Variants in CEP78 observed in about 807,000 individuals in gnomAD.
CEP78 encodes the protein centrosomal protein of 78 kDa.
A neutral mutation model predicts 81.2 loss-of-function variants in CEP78; 76 were observed. The ratio of observed to expected loss-of-function variants is 0.94; its 90% confidence interval spans 0.78 to 1.13. The LOEUF (loss-of-function observed/expected upper bound fraction) is 1.13, where lower values mean the gene tolerates loss of function less well. Among genes scored for constraint, CEP78 ranks in the 50% most tolerant of loss-of-function variants. The probability of loss-of-function intolerance (pLI) is 0.00; values close to 1 mark genes in which losing one functional copy is unlikely to be tolerated. For missense variants in CEP78, 918 were observed against 846.8 expected (o/e 1.08, Z -1.04); for synonymous variants, 293 against 301.4 (o/e 0.97, Z 0.29).
Position 78,248,808 on chromosome 9 carries a change from C to T in CEP78, c.1004C>T (p.Ala335Val). 6.3e-7 allele frequency: 1 copy of T among 1,598,982 alleles called. No homozygotes were observed. The highest frequency in any genetic ancestry group is 8.5e-7 in the Non-Finnish European group (1 of 1,173,342). ...SPSVKEPSKT[A>V]KQKRRTIILG... ...TCAGTGAAGGAACCATCCAAAACTG[C>T]TAAACAGAAAAGGAGAACTATAATT... The change falls in exon 8 of 17, where the codon GCT (alanine) becomes GTT (valine). Residue 335 changes from alanine to valine, a missense_variant. Transcript: ENST00000643273.
intron 5 of CEP78, among the ~76,000 whole-genome samples, 197 bp from the exon 6 acceptor site, chr9:78,246,472 C>A (rs186580797): frequency 6.6e-6 from 1 of 152,128 alleles, no homozygotes; most frequent in Non-Finnish European, 1.5e-5. Flanking sequence ...TGGTGGCGGG[C>A]GCCTGTAGTC....
chr9:78,263,002 T>TA lies in CEP78; in HGVS notation c.1458+19dup, dbSNP rs775329760. Reference sequence around the variant, plus strand: ...TCAGTGAGGTAAATAAAAGTTTTCTTACCTTTTGAGAGTTTTTTGTTTTGG... The same window carrying TA: ...TCAGTGAGGTAAATAAAAGTTTTCTTAACCTTTTGAGAGTTTTTTGTTTTGG... On this transcript the variant is annotated intron_variant, in intron 12 of 16. Coordinates refer to ENST00000643273, the MANE Select transcript of CEP78 (RefSeq NM_001330691.3). 8.0e-6 allele frequency: 12 copies of TA among 1,495,036 alleles called. No homozygotes were observed. Among genetic ancestry groups the TA allele is most frequent in the Middle Eastern group, 1.8e-4 (1 of 5,686 alleles). 92.6% of individuals were successfully genotyped at this position (1,495,036 alleles called of 1,614,324 possible). A position where few individuals can be genotyped will look rare whatever the true frequency, so the allele number is the denominator to read the frequency against.
chr9:78,237,463 A>G (rs921501597), intron 1 of CEP78, among the ~76,000 whole-genome samples: 3 of 152,204 alleles, frequency 2.0e-5, no homozygotes, highest in African/African-American at 7.2e-5. Flanking sequence ...CATTTTCTAC[A>G]TAATGGAGGC....
intron 3 of CEP78, 101 bp from the exon 4 acceptor site, chr9:78,241,595 A>G (rs1412216581): frequency 3.7e-6 from 2 of 536,756 alleles, no homozygotes; most frequent in Admixed American, 3.6e-5. Flanking sequence ...TAAGAATACA[A>G]CTATAAAATA....
In CEP78 at chr9:78,276,038, C is replaced by T. The variant is rs901469835; in HGVS notation, c.*5187C>T. The T allele has an allele frequency of 2.0e-5, 3 of 152,174 alleles. No homozygotes were observed. Among genetic ancestry groups the T allele is most frequent in the Non-Finnish European group, 4.4e-5 (3 of 68,038 alleles). The allele number at this position is 152,174 out of a possible 1,614,324, so 9.4% of individuals were successfully genotyped here. A position where few individuals can be genotyped will look rare whatever the true frequency, so the allele number is the denominator to read the frequency against. On this transcript the variant is annotated 3_prime_UTR_variant, in exon 17 of 17. Transcript: ENST00000643273. ...GAGATGTAAGGCTCCCTAATTCATTCCATACGGTTAGCGTAATCCTTATAG... is the reference window on the plus strand; with the variant it reads ...GAGATGTAAGGCTCCCTAATTCATTTCATACGGTTAGCGTAATCCTTATAG...
rs1166886558 is a variant in CEP78 at position 78,251,963 on chromosome 9, A to G, written c.1125A>G (p.Glu375=). The change falls in exon 9 of 17, where the codon GAA becomes GAG. Residue 375 remains glutamate (E), a synonymous_variant. Transcript: ENST00000643273. ...SSGRKHSLGK[E]YYAPAPLPPG... The stretch of plus-strand genomic sequence containing the variant: ...GCAGAAAACACTCCCTTGGTAAAGA[A>G]TATTATGCGCCCGCACCTCTTCCAC... 6.2e-7 allele frequency: 1 copy of G among 1,609,330 alleles called. No homozygotes were observed. Among genetic ancestry groups the G allele is most frequent in the Non-Finnish European group, 8.5e-7 (1 of 1,176,858 alleles).
rs1929402 is a variant in CEP78, at chr9:78,248,172, G to A, written c.893-119G>A. 0.78 allele frequency: 528,495 copies of A among 677,880 alleles called. 207,498 individuals carry two copies. The highest frequency in any genetic ancestry group is 0.86 in the Admixed American group (33,457 of 39,116). The allele number at this position is 677,880 out of a possible 1,614,324, so 42.0% of individuals were successfully genotyped here. A position where few individuals can be genotyped will look rare whatever the true frequency, so the allele number is the denominator to read the frequency against. ...GGGAAAAGGTATTTAATTACATTAT[G>A]TGGAATTCATATTCAATTTCATGGG... On this transcript the variant is annotated intron_variant, in intron 6 of 16. Coordinates refer to ENST00000643273, the MANE Select transcript of CEP78 (RefSeq NM_001330691.3).
At chr9:78,248,195 G>A in intron 6 of CEP78, 96 bp from the exon 7 acceptor site, 1 of 700,126 alleles carries the variant, frequency 1.4e-6, no homozygotes, top group South Asian at 1.6e-5. Context: ...TCAATTTCAT[G>A]GGAAAAAGCA....
At chr9:78,257,639 C>G (rs184753011) in intron 11 of CEP78, among the ~76,000 whole-genome samples, 4 of 151,998 alleles carry the variant, frequency 2.6e-5, no homozygotes, top group Admixed American at 6.6e-5. Context: ...AGGAGGGAAT[C>G]AAACTCCAGA....
rs533043620 is a variant in CEP78 at position 78,257,035 on chromosome 9, C to T, written c.1380+2071C>T. ...CAGAAATCATATGCTAGTGAGGTTG[C>T]ATCTAGGAGGTCTAACATGTTACTG... On this transcript the variant is annotated intron_variant, in intron 11 of 16. Coordinates refer to ENST00000643273, the MANE Select transcript of CEP78 (RefSeq NM_001330691.3). 2.0e-5 allele frequency among the ~76,000 whole-genome samples: 3 copies of T among 150,664 alleles called. No homozygotes were observed. The South Asian group carries it at 6.3e-4, about 32-fold the overall frequency.
Position 78,262,986 on chromosome 9 carries a change from TA to T in CEP78, c.1458+5del. On this transcript the variant is annotated splice_donor_region_variant and intron_variant, in intron 12 of 16. Transcript: ENST00000643273. ...AAGGTTGATAAACGAGTCAGTGAGG[TA>T]AATAAAAGTTTTCTTACCTTTTGAG... The T allele has an allele frequency of 6.5e-7, 1 of 1,530,852 alleles. No individual in the cohort carries two copies. The highest frequency in any genetic ancestry group is 8.8e-7 in the Non-Finnish European group (1 of 1,134,928). The allele number at this position is 1,530,852 out of a possible 1,614,324, so 94.8% of individuals were successfully genotyped here. A position where few individuals can be genotyped will look rare whatever the true frequency, so the allele number is the denominator to read the frequency against.
At position 78,236,329 on chromosome 9, in the gene CEP78, C is replaced by A. The variant is rs759316369; in HGVS notation, c.-22C>A. ...CGGGCGGCGTCTCCGCGGCGGGCAT[C>A]CCCCGAGGCCGCCCTCGGGCCATGA... is the stretch of plus-strand genomic sequence containing the variant. On this transcript the variant is annotated 5_prime_UTR_variant, in exon 1 of 17. Coordinates refer to ENST00000643273, the MANE Select transcript of CEP78 (RefSeq NM_001330691.3). 15 of 1,545,740 alleles carry A rather than the reference C, an allele frequency of 9.7e-6. No individual in the cohort carries two copies. Among genetic ancestry groups the A allele is most frequent in the Admixed American group, 3.8e-5 (2 of 52,338 alleles).
chr9:78,241,655 G>A lies in CEP78; in HGVS notation c.500-41G>A, dbSNP rs762823897. On this transcript the variant is annotated intron_variant, in intron 3 of 16. Transcript: ENST00000643273. ...AATCAAGACTGACTAGGTTGTATAT[G>A]CTCTTCATCTTATTGTATGTGGTTT... 1.2e-5 allele frequency: 11 copies of A among 906,358 alleles called. No homozygotes were observed. In the South Asian group the frequency reaches 1.5e-4, roughly 12 times the overall value. 56.1% of individuals were successfully genotyped at this position (906,358 alleles called of 1,614,324 possible).
intron 8 of CEP78, chr9:78,250,476 C>T (rs905333064): frequency 2.7e-5 from 8 of 299,950 alleles, no homozygotes; most frequent in African/African-American, 1.3e-4. Flanking sequence ...CGGTGGCTCA[C>T]GCCTGTAATC....
In CEP78 at chr9:78,236,172, G is replaced by T; in HGVS notation, c.-179G>T. Reference sequence around the variant, plus strand: ...GCGGGAGTGGGGCGTTGAGGGGCCGGCCTAGCTTGGGGCTCTGGCCTTGCG... The same window carrying T: ...GCGGGAGTGGGGCGTTGAGGGGCCGTCCTAGCTTGGGGCTCTGGCCTTGCG... On this transcript the variant is annotated 5_prime_UTR_variant, in exon 1 of 17. Coordinates refer to ENST00000643273, the MANE Select transcript of CEP78 (RefSeq NM_001330691.3). 1.7e-6 allele frequency: 1 copy of T among 595,644 alleles called. No homozygotes were observed. Among genetic ancestry groups the T allele is most frequent in the East Asian group, 3.2e-5 (1 of 31,240 alleles). The allele number at this position is 595,644 out of a possible 1,614,324, so 36.9% of individuals were successfully genotyped here.
chr9:78,246,548 G>C lies in CEP78; in HGVS notation c.779-121G>C, dbSNP rs991731864. Reference sequence around the variant, plus strand: ...CTGGGAGGCAGAGCTTGCAGTGAGCGGAGATAGTGCCACTGCACTCCAGCC... The same window carrying C: ...CTGGGAGGCAGAGCTTGCAGTGAGCCGAGATAGTGCCACTGCACTCCAGCC... On this transcript the variant is annotated intron_variant, in intron 5 of 16. Transcript: ENST00000643273. 6 of 527,382 alleles carry C rather than the reference G, an allele frequency of 1.1e-5. No homozygotes were observed. The African/African-American group carries it at 1.2e-4, about 11-fold the overall frequency. The allele number at this position is 527,382 out of a possible 1,614,324, so 32.7% of individuals were successfully genotyped here. A position where few individuals can be genotyped will look rare whatever the true frequency, so the allele number is the denominator to read the frequency against.
rs760356786 is a variant in CEP78, at chr9:78,240,161, T to C, written c.392T>C (p.Ile131Thr). The C allele has an allele frequency of 3.7e-6, 6 of 1,600,028 alleles. No homozygotes were observed. The African/African-American group carries it at 8.1e-5, about 22-fold the overall frequency. ...VLKNLELNGL[I>T]LRERDLTILA... ...AAGAACCTGGAGCTAAATGGACTAA[T>C]TCTGAGAGAGAGGGATTTAACTATT... Residue 131 changes from isoleucine to threonine, a missense_variant, in exon 2 of 17, where the codon ATT (isoleucine) becomes ACT (threonine). Physicochemically the swap from Ile to Thr is moderately conservative, Grantham distance 89. Coordinates refer to ENST00000643273, the MANE Select transcript of CEP78 (RefSeq NM_001330691.3).
At position 78,264,249 on chromosome 9, in the gene CEP78, GT is replaced by G. The variant is rs760894781; in HGVS notation, c.1562del (p.Leu521TrpfsTer32). On this transcript the variant is annotated frameshift_variant, in exon 13 of 17. Transcript: ENST00000643273. LOFTEE classifies it high-confidence loss of function. ...AAATATGATCCTGGATGATGAAGGTGTTTTGGGCAGCATTGAGAATTCTTTT... is the reference window on the plus strand; with the variant it reads ...AAATATGATCCTGGATGATGAAGGTGTTTGGGCAGCATTGAGAATTCTTTT... ...LTNMILDDEG[V>X]LGSIENSFQK... 6.2e-7 allele frequency: 1 copy of G among 1,612,126 alleles called. No individual in the cohort carries two copies. Among genetic ancestry groups the G allele is most frequent in the Admixed American group, 1.7e-5 (1 of 59,806 alleles).
At position 78,251,955 on chromosome 9, in the gene CEP78, G is replaced by T. The variant is rs1358024637; in HGVS notation, c.1117G>T (p.Gly373Cys). Residue 373 changes from glycine to cysteine, a missense_variant, in exon 9 of 17, where the codon GGT becomes TGT. Physicochemically the swap from Gly to Cys is radical, Grantham distance 159. Transcript: ENST00000643273. ...PVSSGRKHSL[G>C]KEYYAPAPLP... ...AAGTAGTGGCAGAAAACACTCCCTT[G>T]GTAAAGAATATTATGCGCCCGCACC... 6.2e-7 allele frequency: 1 copy of T among 1,608,402 alleles called. No homozygotes were observed. Among genetic ancestry groups the T allele is most frequent in the Non-Finnish European group, 8.5e-7 (1 of 1,176,260 alleles).
Sources: gnomAD v4.1 joint callset for allele counts (sites outside exome capture counted in the v4.1 genomes callset) on GRCh38, gnomAD v4.1.1 for gene constraint, MANE v1.5 for transcripts, NCBI Gene and HGNC (gene_info 2026-07-23, HGNC 2026-07-21) for gene names.